The following ROBO2 variants were observed in gnomAD, a reference collection of about 807,000 sequenced individuals.
The protein encoded by ROBO2 is roundabout guidance receptor 2.
A neutral mutation model predicts 160.8 loss-of-function variants in ROBO2; 53 were observed. The observed-to-expected ratio is 0.33, with a 90% CI of 0.26 to 0.41. The LOEUF (loss-of-function observed/expected upper bound fraction) is 0.41, where lower values mean the gene tolerates loss of function less well. ROBO2 is among the 10% of genes least tolerant of loss of function. The pLI is 1.00. For synonymous variants in ROBO2, 664 were observed against 611.7 expected (o/e 1.09, Z -1.26); for missense variants, 1,577 against 1,722.4 (o/e 0.92, Z 1.49).
At chr3:76,079,840 GAAAA>G (rs1163857153) in intron 2 of ROBO2, among the ~76,000 whole-genome samples, 2 of 150,506 alleles carry the variant, frequency 1.3e-5, no homozygotes, top group African/African-American at 2.4e-5. Context: ...CAACAACAAA[GAAAA>G]AAAGAAAGAA....
At chr3:76,709,538 T>A (rs2093244589) in intron 2 of ROBO2, among the ~76,000 whole-genome samples, 1 of 152,278 alleles carries the variant, frequency 6.6e-6, no homozygotes, top group African/African-American at 2.4e-5. Context: ...TGAATGGAGC[T>A]GGAAAAGCAC....
chr3:76,472,100 T>TGTGTGTGTGTGTGC (rs1491261065), intron 2 of ROBO2, among the ~76,000 whole-genome samples: 2 of 111,018 alleles, frequency 1.8e-5, no homozygotes, highest in Admixed American at 8.7e-5. Context: ...TGTGTGTGTG[T>TGTGTGTGTGTGTGC]GCGCGTGTGC....
chr3:77,325,122 A>C (rs942404617), intron 2 of ROBO2, among the ~76,000 whole-genome samples: 1 of 152,210 alleles, frequency 6.6e-6, no homozygotes, highest in South Asian at 2.1e-4. Context: ...GTGAATGCAA[A>C]CCAAAAGTCA....
intron 2 of ROBO2, among the ~76,000 whole-genome samples, chr3:77,034,135 T>A (rs2063486821): frequency 6.6e-6 from 1 of 151,870 alleles, no homozygotes; most frequent in Admixed American, 6.6e-5. Flanking sequence ...CAGTAGAAAC[T>A]GTTTAAGAGA....
At chr3:77,172,523 A>G (rs762910089) in intron 2 of ROBO2, among the ~76,000 whole-genome samples, 1 of 151,814 alleles carries the variant, frequency 6.6e-6, no homozygotes, top group African/African-American at 2.4e-5. Context: ...ACATTTTAGT[A>G]TTTTTTCCAT....
Position 77,017,453 on chromosome 3 carries a change from T to C in ROBO2, c.110-80561T>C, listed in dbSNP as rs560941034. On this transcript the variant is annotated intron_variant, in intron 2 of 26. Coordinates refer to the ROBO2 transcript ENST00000487694. ...AGAAATTAAATGTATATTAAGTAGA[T>C]TGGACATGGTTTTCTTCCACAATTA... Among the ~76,000 whole-genome samples the C allele has an allele frequency of 1.6e-4, 25 of 152,284 alleles. 1 individual carries two copies. The South Asian group carries it at 5.0e-3, about 30-fold the overall frequency.
intron 2 of ROBO2, among the ~76,000 whole-genome samples, chr3:76,437,259 A>G (rs1031880403): frequency 2.0e-5 from 3 of 152,218 alleles, no homozygotes; most frequent in South Asian, 4.1e-4. Flanking sequence ...AAGGAATCAC[A>G]TATGAATAAT....
chr3:76,646,657 T>C (rs1250443688), intron 2 of ROBO2, among the ~76,000 whole-genome samples: 2 of 152,162 alleles, frequency 1.3e-5, no homozygotes, highest in African/African-American at 2.4e-5. Context: ...TTCCATGATA[T>C]ACATGTAGAC....
At chr3:76,129,445 A>G (rs903874755) in intron 2 of ROBO2, among the ~76,000 whole-genome samples, 1 of 152,182 alleles carries the variant, frequency 6.6e-6, no homozygotes, top group African/African-American at 2.4e-5. Flanking sequence ...ACAATCTCCT[A>G]GAATTTAACT....
At chr3:76,840,621 TTA>T (rs937180652) in intron 2 of ROBO2, among the ~76,000 whole-genome samples, 25 of 124,366 alleles carry the variant, frequency 2.0e-4, no homozygotes, top group African/African-American at 7.6e-4. Flanking sequence ...AAAAAAAAAA[TTA>T]TATATATATA....
intron 20 of ROBO2, among the ~76,000 whole-genome samples, chr3:77,605,474 C>T (rs1055762229): frequency 1.2e-4 from 18 of 152,058 alleles, no homozygotes; most frequent in Non-Finnish European, 2.4e-4. Context: ...TAATCCTACA[C>T]GTACTGCCCA....
intron 2 of ROBO2, among the ~76,000 whole-genome samples, chr3:75,980,869 G>A (rs899458314): frequency 6.6e-6 from 1 of 150,548 alleles, no homozygotes; most frequent in African/African-American, 2.4e-5. Context: ...TAATAAGATA[G>A]GGAATAATAA....
At chr3:77,249,257 A>G (rs1166058359) in intron 2 of ROBO2, among the ~76,000 whole-genome samples, 2 of 152,222 alleles carry the variant, frequency 1.3e-5, no homozygotes, top group Admixed American at 6.5e-5. Flanking sequence ...AAACGACCTT[A>G]TGATAAAATA....
At chr3:77,320,366 A>G (rs2064538755) in intron 2 of ROBO2, among the ~76,000 whole-genome samples, 1 of 152,144 alleles carries the variant, frequency 6.6e-6, no homozygotes, top group Non-Finnish European at 1.5e-5. Flanking sequence ...ATTTTTAAAC[A>G]TGGCCTTTGG....
rs563107091 is a variant in ROBO2, at chr3:77,301,595, G to A, written c.389-175819G>A. Reference sequence around the variant, plus strand: ...CATATAGGTGTGGATATCTAAATTCGCACATGAGCAAAGCAAAATTAAATG... The same window carrying A: ...CATATAGGTGTGGATATCTAAATTCACACATGAGCAAAGCAAAATTAAATG... On this transcript the variant is annotated intron_variant, in intron 2 of 25. Transcript: ENST00000461745. 4.6e-5 allele frequency among the ~76,000 whole-genome samples: 7 copies of A among 152,162 alleles called. 1 individual carries two copies. Among genetic ancestry groups the A allele is most frequent in the African/African-American group, 1.2e-4 (5 of 41,522 alleles).
intron 1 of ROBO2, among the ~76,000 whole-genome samples, chr3:77,045,292 C>T (rs762850505): frequency 9.2e-5 from 14 of 152,120 alleles, no homozygotes; most frequent in African/African-American, 2.7e-4. Context: ...GTTGGAGTAA[C>T]GGAGGCCTCA....
chr3:76,418,041 T>C (rs1490610924), intron 2 of ROBO2, among the ~76,000 whole-genome samples: 2 of 151,880 alleles, frequency 1.3e-5, no homozygotes, highest in Admixed American at 1.3e-4. Flanking sequence ...GCTATGAAAA[T>C]AACCTTAACT....
intron 2 of ROBO2, among the ~76,000 whole-genome samples, chr3:76,740,530 C>A (rs955730801): frequency 2.6e-5 from 4 of 152,098 alleles, no homozygotes; most frequent in African/African-American, 9.7e-5. Flanking sequence ...TGCCCAGATT[C>A]ATCTTTAGTA....
chr3:76,529,351 A>T (rs2082107713), intron 2 of ROBO2, among the ~76,000 whole-genome samples: 1 of 151,792 alleles, frequency 6.6e-6, no homozygotes, highest in South Asian at 2.1e-4. Context: ...AGATTGGAGT[A>T]TTTTTTTTGG....
Sources: allele counts gnomAD v4.1 joint callset (sites outside exome capture counted in the v4.1 genomes callset), GRCh38; gene constraint gnomAD v4.1.1; transcripts MANE v1.5; gene names NCBI Gene and HGNC (gene_info 2026-07-23, HGNC 2026-07-21).